The following AGBL1 variants were observed in gnomAD, a reference collection of about 807,000 sequenced individuals.
AGBL1 encodes AGBL carboxypeptidase 1, also known as cytosolic carboxypeptidase 4.
In AGBL1, 130 loss-of-function variants were observed where a neutral mutation model predicts 118.9. The ratio of observed to expected loss-of-function variants is 1.09; its 90% CI spans 0.95 to 1.26. The LOEUF is 1.26. Ranked by LOEUF, AGBL1 falls within the 50% of genes most tolerant of loss-of-function variation. The pLI is 0.00. For missense variants in AGBL1, 1,584 were observed against 1,298.1 expected, an observed-to-expected ratio of 1.22 and a Z score of -3.38; for synonymous variants, 555 against 478.9, an observed-to-expected ratio of 1.16 and a Z score of -2.08.
rs566317809 is a variant in AGBL1 at position 86,888,039 on chromosome 15, A to C, written c.3159-19048A>C. 6.3e-4 allele frequency among the ~76,000 whole-genome samples: 96 copies of C among 152,282 alleles called. 1 individual carries two copies. The highest frequency in any genetic ancestry group is 2.2e-3 in the African/African-American group (92 of 41,568). On this transcript the variant is annotated intron_variant, in intron 22 of 22. Transcript: ENST00000614907. The stretch of plus-strand genomic sequence containing the variant: ...CTCTCACCACTCCGGCTGCCTCTAC[A>C]TGCCAAAGATGAGAAAAAGGAGGTG...
intron 23 of AGBL1, among the ~76,000 whole-genome samples, chr15:86,967,223 T>C (rs1042671190): frequency 1.1e-4 from 16 of 152,156 alleles, no homozygotes; most frequent in Non-Finnish European, 1.9e-4. Context: ...ATTCTGGATA[T>C]TAGCCCTTTG....
intron 18 of AGBL1, among the ~76,000 whole-genome samples, chr15:86,411,331 G>A (rs1019182579): frequency 6.6e-6 from 1 of 152,050 alleles, no homozygotes; most frequent in Non-Finnish European, 1.5e-5. Context: ...CTAGAAAAGT[G>A]CACCTATCAG....
intron 22 of AGBL1, among the ~76,000 whole-genome samples, chr15:86,836,663 C>G (rs2079175244): frequency 6.6e-6 from 1 of 152,132 alleles, no homozygotes; most frequent in Admixed American, 6.6e-5. Flanking sequence ...TGACCTAGCT[C>G]TAGCCTGCCT....
chr15:86,475,966 G>T (rs111926972), intron 18 of AGBL1, among the ~76,000 whole-genome samples: 5 of 152,222 alleles, frequency 3.3e-5, no homozygotes, highest in African/African-American at 1.2e-4. Context: ...TTCATATCCA[G>T]CCAAACTAAG....
rs561719845 is a variant in AGBL1, at chr15:86,413,538, T to G, written c.2555+15992T>G. 1.1e-4 allele frequency among the ~76,000 whole-genome samples: 16 copies of G among 152,262 alleles called. No homozygotes were observed. In the East Asian group the frequency reaches 2.9e-3, roughly 28 times the overall value. ...TCTGTTTCCTCACCAACATCTGTTA[T>G]TTTTTAATCTTTTTAATAGTAGCCA... On this transcript the variant is annotated intron_variant, in intron 18 of 22. Coordinates refer to ENST00000614907, the MANE Select transcript of AGBL1 (RefSeq NM_001386094.1).
chr15:86,828,355 A>T (rs139326717), intron 22 of AGBL1, among the ~76,000 whole-genome samples: 1 of 152,252 alleles, frequency 6.6e-6, no homozygotes, highest in Admixed American at 6.5e-5. Context: ...TTTAATGTAC[A>T]TGGAAAAAAG....
chr15:86,561,343 A>G (rs4267278), intron 21 of AGBL1, among the ~76,000 whole-genome samples: 82,443 of 152,040 alleles, frequency 0.54, 23,264 homozygotes, highest in East Asian at 0.88. Context: ...TATAAGGTGT[A>G]AGGAAGGGAT....
At chr15:86,695,930 C>T (rs2142623871) in intron 22 of AGBL1, among the ~76,000 whole-genome samples, 1 of 150,162 alleles carries the variant, frequency 6.7e-6, no homozygotes, top group East Asian at 1.9e-4. Context: ...AGTTGATTTC[C>T]AATTTGATTC....
At chr15:86,264,069 A>G (rs1458862250) in intron 10 of AGBL1, among the ~76,000 whole-genome samples, 189 bp from the exon 11 acceptor site, 1 of 152,112 alleles carries the variant, frequency 6.6e-6, no homozygotes, top group African/African-American at 2.4e-5. Flanking sequence ...CCCCTTCCAA[A>G]CATGAGTTTC....
intron 5 of AGBL1, among the ~76,000 whole-genome samples, chr15:86,196,879 G>GCACGCGCA (rs2077819325): frequency 8.5e-6 from 1 of 116,962 alleles, no homozygotes; most frequent in Non-Finnish European, 1.8e-5. Context: ...GCGCGCGCGC[G>GCACGCGCA]CACACACACA....
At chr15:86,159,105 A>G (rs2077232114) in intron 5 of AGBL1, 79 bp downstream of exon 5, 2 of 1,328,274 alleles carry the variant, frequency 1.5e-6, no homozygotes, top group African/African-American at 1.4e-5. Context: ...TATTTTCATG[A>G]TGCTTCCAGC....
chr15:86,731,584 T>G (rs887644468), intron 22 of AGBL1, among the ~76,000 whole-genome samples: 1 of 152,250 alleles, frequency 6.6e-6, no homozygotes, highest in African/African-American at 2.4e-5. Context: ...AAGGAAATCT[T>G]GTTGGTTTTC....
chr15:86,793,944 A>G (rs1003792069), intron 22 of AGBL1, among the ~76,000 whole-genome samples: 1 of 152,210 alleles, frequency 6.6e-6, no homozygotes, highest in African/African-American at 2.4e-5. Flanking sequence ...AAAAATATGG[A>G]AAGTAACCAG....
chr15:86,219,458 A>C (rs1298584217), intron 5 of AGBL1, among the ~76,000 whole-genome samples: 1 of 152,170 alleles, frequency 6.6e-6, no homozygotes, highest in Non-Finnish European at 1.5e-5. Context: ...TCTTATACCC[A>C]CTTTATAAAT....
intron 18 of AGBL1, among the ~76,000 whole-genome samples, chr15:86,500,575 C>T (rs1463961956): frequency 6.7e-6 from 1 of 149,514 alleles, no homozygotes; most frequent in East Asian, 2.0e-4. Flanking sequence ...TTAACATATT[C>T]ACAAATTGGT....
intron 23 of AGBL1, among the ~76,000 whole-genome samples, chr15:86,970,930 G>T (rs1363042241): frequency 1.3e-5 from 2 of 151,950 alleles, no homozygotes; most frequent in Admixed American, 6.6e-5. Flanking sequence ...ACCACTATTT[G>T]CATGTCACTT....
chr15:86,836,040 A>C (rs1322743905), intron 22 of AGBL1, among the ~76,000 whole-genome samples: 1 of 152,238 alleles, frequency 6.6e-6, no homozygotes, highest in South Asian at 2.1e-4. Context: ...ACTAAACTAT[A>C]TTTATTTATA....
intron 5 of AGBL1, among the ~76,000 whole-genome samples, chr15:86,190,968 A>G (rs2077709766): frequency 6.6e-6 from 1 of 152,200 alleles, no homozygotes; most frequent in Admixed American, 6.5e-5. Context: ...GGATATCATG[A>G]ATTCAGTGAC....
chr15:86,141,950 T>C, intron 1 of AGBL1, 54 bp from the exon 2 acceptor site: 1 of 1,513,190 alleles, frequency 6.6e-7, no homozygotes. Flanking sequence ...TCCCTGATCA[T>C]CCAACTCCTT....
Sources: gnomAD v4.1 joint callset for allele counts (sites outside exome capture counted in the v4.1 genomes callset) on GRCh38, gnomAD v4.1.1 for gene constraint, MANE v1.5 for transcripts, NCBI Gene and HGNC (gene_info 2026-07-23, HGNC 2026-07-21) for gene names.